Variants in WWOX observed in about 807,000 individuals in gnomAD.
The protein encoded by WWOX is WW domain-containing oxidoreductase.
Under a neutral mutation model 46.2 loss-of-function variants are expected in WWOX, and 69 were observed. The ratio of observed to expected loss-of-function variants is 1.49; its 90% confidence interval spans 1.23 to 1.82. WWOX has a LOEUF of 1.82. WWOX is among the 40% of genes most tolerant of loss of function. The probability of loss-of-function intolerance (pLI) is 0.00; values close to 1 mark genes in which losing one functional copy is unlikely to be tolerated. For missense variants in WWOX, 919 were observed against 542.6 expected, an observed-to-expected ratio of 1.69 and a Z score of -6.89; for synonymous variants, 359 against 202.6, an observed-to-expected ratio of 1.77 and a Z score of -6.56.
At chr16:78,191,382 T>TA (rs1244728800) in intron 5 of WWOX, among the ~76,000 whole-genome samples, 3 of 152,232 alleles carry the variant, frequency 2.0e-5, no homozygotes, top group Non-Finnish European at 4.4e-5. Flanking sequence ...GTAGGAAAGG[T>TA]AAAAAAACAT....
intron 8 of WWOX, among the ~76,000 whole-genome samples, chr16:78,866,202 CT>C (rs769568429): frequency 2.0e-5 from 3 of 152,094 alleles, no homozygotes; most frequent in Non-Finnish European, 4.4e-5. Context: ...CCGAAGAATC[CT>C]TCTGCCAGTC....
At chr16:78,136,350 C>A (rs911108730) in intron 4 of WWOX, among the ~76,000 whole-genome samples, 1 of 152,294 alleles carries the variant, frequency 6.6e-6, no homozygotes, top group East Asian at 1.9e-4. Flanking sequence ...AATATACATT[C>A]AGATTCATAA....
intron 8 of WWOX, among the ~76,000 whole-genome samples, chr16:78,631,412 A>C (rs2046426560): frequency 6.6e-6 from 1 of 152,210 alleles, no homozygotes. Context: ...TATTCCAGCT[A>C]TGGCAAACTG....
At chr16:79,165,534 GTGTTT>G (rs1422202214) in intron 8 of WWOX, among the ~76,000 whole-genome samples, 1 of 152,162 alleles carries the variant, frequency 6.6e-6, no homozygotes, top group Non-Finnish European at 1.5e-5. Context: ...GTTTATGTTG[GTGTTT>G]TGTTTTGTGT....
chr16:79,137,693 C>G (rs1406455496), intron 8 of WWOX, among the ~76,000 whole-genome samples: 1 of 152,252 alleles, frequency 6.6e-6, no homozygotes, highest in South Asian at 2.1e-4. Flanking sequence ...TCCTCCGTCT[C>G]CTTCCCCCGA....
At chr16:78,999,321 T>G (rs936964129) in intron 8 of WWOX, among the ~76,000 whole-genome samples, 2 of 151,886 alleles carry the variant, frequency 1.3e-5, no homozygotes, top group African/African-American at 4.8e-5. Context: ...AAATACAAAA[T>G]TAGCCAGGCG....
At chr16:78,681,421 G>C (rs118036838) in intron 8 of WWOX, among the ~76,000 whole-genome samples, 1,923 of 151,910 alleles carry the variant, frequency 0.013, 19 homozygotes, top group South Asian at 0.04. Flanking sequence ...CAAAACAAAG[G>C]TCAATTTTTT....
chr16:78,707,264 C>G (rs1036390453), intron 8 of WWOX, among the ~76,000 whole-genome samples: 1 of 152,152 alleles, frequency 6.6e-6, no homozygotes, highest in Non-Finnish European at 1.5e-5. Context: ...TATTAAAAAG[C>G]TATAGAAGCA....
chr16:78,443,402 T>C (rs534476957), intron 8 of WWOX, among the ~76,000 whole-genome samples: 1 of 152,172 alleles, frequency 6.6e-6, no homozygotes, highest in Non-Finnish European at 1.5e-5. Flanking sequence ...GCTTCCACAG[T>C]GCAGATTTTA....
At chr16:78,656,713 C>G (rs144729378) in intron 8 of WWOX, among the ~76,000 whole-genome samples, 2 of 152,138 alleles carry the variant, frequency 1.3e-5, no homozygotes, top group African/African-American at 4.8e-5. Flanking sequence ...CCAACCATAT[C>G]GGCACCCACT....
intron 8 of WWOX, among the ~76,000 whole-genome samples, chr16:78,915,717 G>C (rs1424074572): frequency 3.9e-5 from 6 of 151,918 alleles, no homozygotes; most frequent in Non-Finnish European, 8.8e-5. Flanking sequence ...AATTGCACCA[G>C]TTCTCATCCC....
chr16:78,551,245 T>G (rs1044857567), intron 8 of WWOX: 5 of 152,214 alleles, frequency 3.3e-5, no homozygotes, highest in African/African-American at 1.2e-4. Flanking sequence ...TGAAGAAACC[T>G]AATGAAAACA....
chr16:78,325,208 G>A (rs2080585809), intron 5 of WWOX, among the ~76,000 whole-genome samples: 1 of 152,226 alleles, frequency 6.6e-6, no homozygotes, highest in African/African-American at 2.4e-5. Context: ...ATGTTTACAA[G>A]CTCTAATCAG....
chr16:79,047,235 C>T (rs188496614), intron 8 of WWOX, among the ~76,000 whole-genome samples: 1 of 152,128 alleles, frequency 6.6e-6, no homozygotes. Flanking sequence ...TGTCCTTACC[C>T]TCATGGATTC....
At chr16:78,514,019 A>G (rs2085429168) in intron 8 of WWOX, among the ~76,000 whole-genome samples, 1 of 151,200 alleles carries the variant, frequency 6.6e-6, no homozygotes, top group Non-Finnish European at 1.5e-5. Flanking sequence ...GAATAGTTGT[A>G]TGTCACAATT....
At chr16:79,055,198 C>G (rs2048239270) in intron 8 of WWOX, among the ~76,000 whole-genome samples, 1 of 152,188 alleles carries the variant, frequency 6.6e-6, no homozygotes, top group Non-Finnish European at 1.5e-5. Context: ...ACAGTGATTA[C>G]CAGGACACTT....
chr16:78,700,888 A>T (rs1490810630), intron 8 of WWOX, among the ~76,000 whole-genome samples: 3 of 152,212 alleles, frequency 2.0e-5, no homozygotes, highest in Admixed American at 2.0e-4. Flanking sequence ...AAACCAACCC[A>T]AAGGGCTATG....
chr16:78,856,808 C>T (rs1424482576), intron 8 of WWOX, among the ~76,000 whole-genome samples: 2 of 152,090 alleles, frequency 1.3e-5, no homozygotes, highest in African/African-American at 4.8e-5. Context: ...GTCATCATTG[C>T]TTAGAGAGGA....
At chr16:79,085,494 C>T (rs1360664202) in intron 8 of WWOX, among the ~76,000 whole-genome samples, 1 of 152,016 alleles carries the variant, frequency 6.6e-6, no homozygotes, top group Admixed American at 6.6e-5. Context: ...GTTTTTTTCT[C>T]CTTTGCTCCT....
Sources: gnomAD v4.1 joint callset for allele counts (sites outside exome capture counted in the v4.1 genomes callset) on GRCh38, gnomAD v4.1.1 for gene constraint, MANE v1.5 for transcripts, NCBI Gene and HGNC (gene_info 2026-07-23, HGNC 2026-07-21) for gene names.